MPPED2: variants seen among roughly 807,000 people sequenced by gnomAD.
MPPED2 encodes metallophosphoesterase MPPED2.
MPPED2 carries 5 observed loss-of-function variants against 33.0 expected under a neutral mutation model. The ratio of observed to expected loss-of-function variants is 0.15; its 90% confidence interval spans 0.08 to 0.32. MPPED2 has a LOEUF of 0.32. Among genes scored for constraint, MPPED2 ranks in the 10% least tolerant of loss-of-function variants. The probability of loss-of-function intolerance (pLI) is 1.00; values close to 1 mark genes in which losing one functional copy is unlikely to be tolerated. For missense variants in MPPED2, 275 were observed against 372.1 expected (o/e 0.74, Z 2.15); for synonymous variants, 136 against 141.9 (o/e 0.96, Z 0.29).
intron 6 of MPPED2, chr11:30,389,106 G>T (rs1947739115): frequency 9.0e-6 from 11 of 1,218,816 alleles, no homozygotes; most frequent in South Asian, 7.1e-5. Flanking sequence ...AACTGTGTTA[G>T]ATTAAGTTCA....
chr11:30,448,873 C>T (rs919974872), intron 4 of MPPED2, among the ~76,000 whole-genome samples: 4 of 151,818 alleles, frequency 2.6e-5, no homozygotes, highest in African/African-American at 9.7e-5. Context: ...GTCAGGATCT[C>T]GAACTCCCGA....
chr11:30,430,967 G>T (rs183694606), intron 4 of MPPED2, among the ~76,000 whole-genome samples: 300 of 152,286 alleles, frequency 2.0e-3, no homozygotes, highest in Non-Finnish European at 2.8e-3. Context: ...ATCAGAATTA[G>T]AGATGAAAGA....
At chr11:30,444,775 T>C (rs922309070) in intron 4 of MPPED2, among the ~76,000 whole-genome samples, 2 of 152,190 alleles carry the variant, frequency 1.3e-5, no homozygotes, top group South Asian at 4.1e-4. Flanking sequence ...ATATTTGCAG[T>C]AAAACATTAA....
chr11:30,389,501 T>C (rs772847266), intron 6 of MPPED2, among the ~76,000 whole-genome samples: 34 of 152,216 alleles, frequency 2.2e-4, no homozygotes, highest in East Asian at 3.8e-4. Context: ...TCATAAAATG[T>C]ATGCTGGTGG....
intron 2 of MPPED2, among the ~76,000 whole-genome samples, chr11:30,559,436 A>G (rs1028406680): frequency 1.3e-5 from 2 of 152,212 alleles, no homozygotes; most frequent in African/African-American, 2.4e-5. Flanking sequence ...TTGTGATCAC[A>G]TGAGTATTTT....
At chr11:30,501,053 A>T (rs1485895161) in intron 3 of MPPED2, among the ~76,000 whole-genome samples, 1 of 152,208 alleles carries the variant, frequency 6.6e-6, no homozygotes, top group Non-Finnish European at 1.5e-5. Flanking sequence ...AGATATAAAT[A>T]GGGTAAAAAT....
intron 3 of MPPED2, among the ~76,000 whole-genome samples, chr11:30,506,054 T>C (rs1952810925): frequency 6.6e-6 from 1 of 152,084 alleles, no homozygotes; most frequent in Non-Finnish European, 1.5e-5. Context: ...TTATTAATTT[T>C]TGAAATGGAG....
Position 30,401,992 on chromosome 11 carries a change from C to T in MPPED2, c.766+12236G>A, listed in dbSNP as rs577111469. ...GATTACAGACGTGAGCCACCGCCCC[C>T]GGCCTACATAAGATTTTTAGAAGGG... On this transcript the variant is annotated intron_variant, in intron 6 of 6. Transcript: ENST00000448418. Among the ~76,000 whole-genome samples, 6 of 152,266 alleles carry T rather than the reference C, an allele frequency of 3.9e-5. No homozygotes were observed. In the South Asian group the frequency reaches 6.2e-4, roughly 16 times the overall value.
chr11:30,420,072 C>A (rs1446440092), intron 4 of MPPED2, among the ~76,000 whole-genome samples: 3 of 152,142 alleles, frequency 2.0e-5, no homozygotes, highest in African/African-American at 7.2e-5. Context: ...ATCCTAATAC[C>A]TGGAACCTGT....
At chr11:30,428,553 G>A (rs574783531) in intron 4 of MPPED2, among the ~76,000 whole-genome samples, 18 of 152,240 alleles carry the variant, frequency 1.2e-4, no homozygotes, top group East Asian at 1.9e-4. Context: ...AAGTTGTAGC[G>A]ACTTGTCTAA....
intron 3 of MPPED2, among the ~76,000 whole-genome samples, chr11:30,499,696 G>A (rs932713270): frequency 2.0e-5 from 3 of 152,022 alleles, no homozygotes; most frequent in Non-Finnish European, 2.9e-5. Context: ...AAACATGATC[G>A]TAAACATTCC....
intron 3 of MPPED2, among the ~76,000 whole-genome samples, chr11:30,523,705 G>A (rs889182970): frequency 7.2e-5 from 10 of 138,930 alleles, no homozygotes; most frequent in African/African-American, 2.7e-4. Flanking sequence ...TCAGCTCACC[G>A]CAACCTCCAC....
At chr11:30,441,675 T>C (rs911575432) in intron 4 of MPPED2, among the ~76,000 whole-genome samples, 7 of 152,190 alleles carry the variant, frequency 4.6e-5, no homozygotes, top group Non-Finnish European at 8.8e-5. Context: ...ACTCTGAAAG[T>C]AGGAAACATT....
chr11:30,507,746 C>T (rs2134282979), intron 3 of MPPED2, among the ~76,000 whole-genome samples: 1 of 152,240 alleles, frequency 6.6e-6, no homozygotes, highest in African/African-American at 2.4e-5. Flanking sequence ...ATGAAGTCTC[C>T]TTTGGATAAT....
At chr11:30,431,696 A>C (rs1026561553) in intron 4 of MPPED2, among the ~76,000 whole-genome samples, 8 of 152,188 alleles carry the variant, frequency 5.3e-5, no homozygotes, top group African/African-American at 1.7e-4. Flanking sequence ...GAATTTACTC[A>C]ACCACGTTTT....
At chr11:30,560,565 A>T (rs576293117) in intron 2 of MPPED2, among the ~76,000 whole-genome samples, 1 of 152,294 alleles carries the variant, frequency 6.6e-6, no homozygotes, top group Non-Finnish European at 1.5e-5. Flanking sequence ...CAACTAACAT[A>T]AGTGAAAATA....
At chr11:30,397,268 A>G (rs1947850205) in intron 6 of MPPED2, among the ~76,000 whole-genome samples, 1 of 151,906 alleles carries the variant, frequency 6.6e-6, no homozygotes, top group African/African-American at 2.4e-5. Context: ...ATCAGCCACT[A>G]TTTCTTGTAT....
At chr11:30,535,064 T>C (rs1346682993) in intron 3 of MPPED2, among the ~76,000 whole-genome samples, 1 of 149,476 alleles carries the variant, frequency 6.7e-6, no homozygotes, top group Non-Finnish European at 1.5e-5. Context: ...AATTATGTTA[T>C]TAGTTAAGTT....
chr11:30,476,149 C>A (rs1187995056), intron 4 of MPPED2, among the ~76,000 whole-genome samples: 1 of 151,916 alleles, frequency 6.6e-6, no homozygotes, highest in East Asian at 1.9e-4. Flanking sequence ...TAGAGATTTA[C>A]ATAATATCCA....
Sources: gnomAD v4.1 joint callset for allele counts (sites outside exome capture counted in the v4.1 genomes callset) on GRCh38, gnomAD v4.1.1 for gene constraint, MANE v1.5 for transcripts, NCBI Gene and HGNC (gene_info 2026-07-23, HGNC 2026-07-21) for gene names.